Variants in IYD observed in about 807,000 individuals in gnomAD.
The protein encoded by IYD is iodotyrosine deiodinase.
In IYD, 25 loss-of-function variants were observed where a neutral mutation model predicts 28.4. That is an observed-to-expected ratio of 0.88 (90% CI 0.64 to 1.23). The LOEUF (loss-of-function observed/expected upper bound fraction) is 1.23, where lower values mean the gene tolerates loss of function less well. IYD is among the 50% of genes most tolerant of loss of function. IYD has a pLI of 0.00. For missense variants in IYD, 352 were observed against 357.9 expected, an observed-to-expected ratio of 0.98 and a Z score of 0.13; for synonymous variants, 140 against 130.8, an observed-to-expected ratio of 1.07 and a Z score of -0.48.
intron 3 of IYD, among the ~76,000 whole-genome samples, chr6:150,393,225 A>C (rs73617682): frequency 0.017 from 2,550 of 152,326 alleles, 65 homozygotes; most frequent in African/African-American, 0.058. Context: ...AGGAGGTAAC[A>C]GCTCCAGGGG....
intron 4 of IYD, among the ~76,000 whole-genome samples, 162 bp from the exon 5 acceptor site, chr6:150,397,893 G>T (rs899941631): frequency 2.4e-4 from 36 of 152,158 alleles, no homozygotes; most frequent in Admixed American, 9.8e-4. Flanking sequence ...GGGCAGGGAG[G>T]TTCACGATGC....
At position 150,369,123 on chromosome 6, in the gene IYD, AG is replaced by A; in HGVS notation, c.97del (p.Glu33SerfsTer16). On this transcript the variant is annotated frameshift_variant, in exon 1 of 5. Transcript: ENST00000344419. LOFTEE classifies it high-confidence loss of function. ...GCCGACAGAAGCATGGAGAAAAAGA[AG>A]GGGGAGCCTAGAACCAGGGCCGAAG... ...KNADRSMEKK[K>X]GEPRTRAEAR... 6.2e-7 allele frequency: 1 copy of A among 1,613,942 alleles called. No homozygotes were observed. Among genetic ancestry groups the A allele is most frequent in the South Asian group, 1.1e-5 (1 of 91,064 alleles).
intron 4 of IYD, chr6:150,396,362 A>T: frequency 1.9e-6 from 1 of 534,926 alleles, no homozygotes. Context: ...CTATAATAAG[A>T]CCAAAGTACT....
rs370833097 is a variant in IYD, at chr6:150,369,020, A to T, written c.-12A>T. 225 of 1,613,746 alleles carry T rather than the reference A, an allele frequency of 1.4e-4. No homozygotes were observed. Among genetic ancestry groups the T allele is most frequent in the Admixed American group, 2.7e-4 (16 of 60,002 alleles). ...GGGAAGTGTGCACGCCTGTGACGTC[A>T]GACTCCAGACCATGTATTTCCTGAC... is the stretch of plus-strand genomic sequence containing the variant. On this transcript the variant is annotated 5_prime_UTR_variant, in exon 1 of 5. Coordinates refer to ENST00000344419, the MANE Select transcript of IYD (RefSeq NM_203395.3).
chr6:150,390,254 A>C (rs1018941089), intron 2 of IYD, among the ~76,000 whole-genome samples: 34 of 152,212 alleles, frequency 2.2e-4, no homozygotes, highest in African/African-American at 8.0e-4. Context: ...CAAGAATAAA[A>C]TACTTTACTT....
At chr6:150,392,138 C>G (rs1244505194) in intron 2 of IYD, 1 of 186,134 alleles carries the variant, frequency 5.4e-6, no homozygotes. Context: ...AAGCAATCCT[C>G]CCACCTCTAC....
At chr6:150,397,913 A>G (rs1778382922) in intron 4 of IYD, 142 bp from the exon 5 acceptor site, 1 of 799,450 alleles carries the variant, frequency 1.3e-6, no homozygotes, top group South Asian at 1.5e-5. Context: ...CCATTACTTG[A>G]GCTGGCAGCC....
intron 1 of IYD, chr6:150,370,382 A>G: frequency 1.9e-6 from 1 of 514,048 alleles, no homozygotes; most frequent in Non-Finnish European, 2.5e-6. Flanking sequence ...AGCATGCATG[A>G]GTTTGTGTGT....
chr6:150,370,387 G>A, intron 1 of IYD: 3 of 578,552 alleles, frequency 5.2e-6, no homozygotes, highest in Non-Finnish European at 6.5e-6. Flanking sequence ...GCATGAGTTT[G>A]TGTGTGCATG....
chr6:150,398,182 C>T lies in IYD; in HGVS notation c.815C>T (p.Ala272Val). The T allele has an allele frequency of 6.2e-7, 1 of 1,614,178 alleles. No individual in the cohort carries two copies. Among genetic ancestry groups the T allele is most frequent in the African/African-American group, 1.3e-5 (1 of 75,058 alleles). Reference sequence around the variant, plus strand: ...CCCGTGGGGTACCCCAGCAAGGAGGCCACGGTGCCTGACCTCAAGCGCAAA... The same window carrying T: ...CCCGTGGGGTACCCCAGCAAGGAGGTCACGGTGCCTGACCTCAAGCGCAAA... ...LLPVGYPSKE[A>V]TVPDLKRKPL... The change falls in exon 5 of 5, where the codon GCC becomes GTC. Residue 272 changes from alanine (A) to valine (V), a missense_variant. Transcript: ENST00000344419.
rs1778554764 is a variant in IYD at position 150,403,047 on chromosome 6, C to A, written c.*4810C>A. 6.6e-6 allele frequency: 1 copy of A among 152,270 alleles called. No homozygotes were observed. Among genetic ancestry groups the A allele is most frequent in the African/African-American group, 2.4e-5 (1 of 41,462 alleles). The allele number at this position is 152,270 out of a possible 1,614,324, so 9.4% of individuals were successfully genotyped here. A position where few individuals can be genotyped will look rare whatever the true frequency, so the allele number is the denominator to read the frequency against. Reference sequence around the variant, plus strand: ...GACTCAAGTGATCCTCCCACCTTAGCTTCCCAGGTAGCTGGGATACAGGTG... The same window carrying A: ...GACTCAAGTGATCCTCCCACCTTAGATTCCCAGGTAGCTGGGATACAGGTG... On this transcript the variant is annotated 3_prime_UTR_variant, in exon 5 of 5. Transcript: ENST00000344419.
At position 150,399,808 on chromosome 6, in the gene IYD, C is replaced by T. The variant is rs1366702007; in HGVS notation, c.*1571C>T. 1 of 152,186 alleles carries T rather than the reference C, an allele frequency of 6.6e-6. No homozygotes were observed. Among genetic ancestry groups the T allele is most frequent in the African/African-American group, 2.4e-5 (1 of 41,424 alleles). 9.4% of individuals were successfully genotyped at this position (152,186 alleles called of 1,614,324 possible). ...CGTGGTAGAAAGAGGGTTAGAGCCT[C>T]TGGCATGCCTTTTATAAGGGTACTA... On this transcript the variant is annotated 3_prime_UTR_variant, in exon 5 of 5. Transcript: ENST00000344419.
chr6:150,378,553 C>T (rs957435207), intron 1 of IYD, among the ~76,000 whole-genome samples: 2 of 152,196 alleles, frequency 1.3e-5, no homozygotes, highest in African/African-American at 4.8e-5. Context: ...CTCACCATCA[C>T]TGGCCATCAG....
intron 1 of IYD, among the ~76,000 whole-genome samples, chr6:150,379,516 G>T (rs1777568336): frequency 1.3e-5 from 2 of 152,186 alleles, no homozygotes; most frequent in African/African-American, 4.8e-5. Context: ...ACTTCATAGA[G>T]AATTAATTGT....
chr6:150,394,007 A>T (rs1778217585), intron 3 of IYD, 92 bp from the exon 4 acceptor site: 5 of 1,271,908 alleles, frequency 3.9e-6, no homozygotes, highest in Non-Finnish European at 5.6e-6. Flanking sequence ...ATGAGTAAAT[A>T]TGTTTTTATT....
chr6:150,395,488 G>GCGAGGCAC, intron 4 of IYD: 1 of 1,537,276 alleles, frequency 6.5e-7, no homozygotes, highest in Non-Finnish European at 8.7e-7. Flanking sequence ...GCATCAGACT[G>GCGAGGCAC]CGAGGCACCG....
In IYD at chr6:150,398,186, G is replaced by T. The variant is rs368233638; in HGVS notation, c.819G>T (p.Thr273=). Residue 273 remains threonine (T), a synonymous_variant, in exon 5 of 5, where the codon ACG becomes ACT. Transcript: ENST00000344419. The part of the protein sequence containing the change: ...LPVGYPSKEA[T]VPDLKRKPLD... ...TGGGGTACCCCAGCAAGGAGGCCAC[G>T]GTGCCTGACCTCAAGCGCAAACCTC... 6.2e-7 allele frequency: 1 copy of T among 1,614,116 alleles called. No individual in the cohort carries two copies.
chr6:150,390,569 G>T (rs1356042922), intron 2 of IYD, among the ~76,000 whole-genome samples: 1 of 152,204 alleles, frequency 6.6e-6, no homozygotes, highest in Non-Finnish European at 1.5e-5. Flanking sequence ...AGTGTTGGGA[G>T]TGGTGTGTGG....
chr6:150,387,255 G>A lies in IYD; in HGVS notation c.179-2097G>A, dbSNP rs140766880. The stretch of plus-strand genomic sequence containing the variant: ...TAATCACATTTTTCCCCTTGTAGCA[G>A]CTGTGTTTAATGTCATTAAAAATAG... On this transcript the variant is annotated intron_variant, in intron 1 of 4. Transcript: ENST00000344419. 1.8e-3 allele frequency among the ~76,000 whole-genome samples: 281 copies of A among 152,006 alleles called. 1 individual carries two copies. Among genetic ancestry groups the A allele is most frequent in the South Asian group, 4.0e-3 (19 of 4,804 alleles).
Sources: allele counts gnomAD v4.1 joint callset (sites outside exome capture counted in the v4.1 genomes callset), GRCh38; gene constraint gnomAD v4.1.1; transcripts MANE v1.5; gene names NCBI Gene and HGNC (gene_info 2026-07-23, HGNC 2026-07-21).